Variants in FABP6 observed in about 807,000 individuals in gnomAD.
The protein encoded by FABP6 is gastrotropin.
In FABP6, 13 loss-of-function variants were observed where a neutral mutation model predicts 14.9. The ratio of observed to expected loss-of-function variants is 0.87; its 90% CI spans 0.57 to 1.39. The LOEUF (loss-of-function observed/expected upper bound fraction) is 1.39, where lower values mean the gene tolerates loss of function less well. FABP6 is among the 40% of genes most tolerant of loss of function. The pLI, the probability that FABP6 is intolerant of heterozygous loss-of-function variation, is 0.00. For missense variants in FABP6, 161 were observed against 167.2 expected (o/e 0.96, Z 0.20); for synonymous variants, 75 against 63.6 (o/e 1.18, Z -0.85).
At chr5:160,194,194 G>T (rs1759463350) in intron 1 of FABP6, among the ~76,000 whole-genome samples, 1 of 152,334 alleles carries the variant, frequency 6.6e-6, no homozygotes, top group East Asian at 1.9e-4. Context: ...CTCCCAGTGC[G>T]GGACCCACCA....
chr5:160,229,871 ATTTTAT>A (rs1313282426), intron 1 of FABP6, among the ~76,000 whole-genome samples: 2 of 84,922 alleles, frequency 2.4e-5, no homozygotes, highest in Non-Finnish European at 4.9e-5. Context: ...ATTTTATTTT[ATTTTAT>A]TTTATTTTAT....
chr5:160,222,965 G>A (rs777524329), intron 3 of FABP6, among the ~76,000 whole-genome samples: 2 of 152,040 alleles, frequency 1.3e-5, no homozygotes, highest in Admixed American at 6.6e-5. Flanking sequence ...CATAGATACC[G>A]TATTTTATTT....
upstream of FABP6, among the ~76,000 whole-genome samples, chr5:160,227,848 G>GTC (rs1416689517): frequency 6.7e-6 from 1 of 148,890 alleles, no homozygotes; most frequent in African/African-American, 2.5e-5. Flanking sequence ...GTGTGTGTGT[G>GTC]TGTCTGTCTG....
chr5:160,199,013 C>A, intron 1 of FABP6: 2 of 1,270,154 alleles, frequency 1.6e-6, no homozygotes, highest in Non-Finnish European at 2.3e-6. Flanking sequence ...GTCTCCAGAG[C>A]CCCTCCCAGC....
At chr5:160,225,627 C>T (rs1226669916), upstream of FABP6, among the ~76,000 whole-genome samples, 1 of 151,402 alleles carries the variant, frequency 6.6e-6, no homozygotes, top group Admixed American at 6.6e-5. Context: ...GTCTCGATCT[C>T]CTGATTTTGT....
At chr5:160,224,057 A>G (rs1580917872) in intron 3 of FABP6, among the ~76,000 whole-genome samples, 1 of 151,952 alleles carries the variant, frequency 6.6e-6, no homozygotes, top group East Asian at 2.0e-4. Context: ...TAACACGGTG[A>G]AACCCTGTCT....
chr5:160,233,067 T>C (rs1464287261), intron 2 of FABP6, among the ~76,000 whole-genome samples: 3 of 149,418 alleles, frequency 2.0e-5, no homozygotes, highest in Non-Finnish European at 4.5e-5. Context: ...CTGCAACCTC[T>C]GCCTCCTGGG....
chr5:160,221,989 A>G (rs1159687118), intron 3 of FABP6, among the ~76,000 whole-genome samples: 6 of 152,220 alleles, frequency 3.9e-5, no homozygotes, highest in Admixed American at 2.0e-4. Context: ...GTCTTTTTAA[A>G]CAATGAGTAT....
At chr5:160,198,972 T>C (rs1580899094) in intron 1 of FABP6, 2 of 885,488 alleles carry the variant, frequency 2.3e-6, no homozygotes, top group South Asian at 1.4e-5. Flanking sequence ...ATAAAATGGA[T>C]TGAATAGACA....
chr5:160,208,491 C>T (rs535898743), intron 2 of FABP6, among the ~76,000 whole-genome samples: 50 of 152,110 alleles, frequency 3.3e-4, no homozygotes, highest in Non-Finnish European at 5.9e-4. Context: ...AATGTTTGTC[C>T]CCTTCAATCT....
intron 1 of FABP6, among the ~76,000 whole-genome samples, chr5:160,188,357 A>C (rs1463423022): frequency 6.6e-6 from 1 of 152,118 alleles, no homozygotes; most frequent in Non-Finnish European, 1.5e-5. Flanking sequence ...AGAAACGAAA[A>C]AAACATTAGC....
intron 3 of FABP6, 128 bp from the exon 4 acceptor site, chr5:160,238,478 G>C (rs10056214): frequency 0.92 from 692,037 of 749,062 alleles, 321,553 homozygotes; most frequent in East Asian, 1. Flanking sequence ...AACTGAGGCC[G>C]AAAGAAGTGG....
At chr5:160,189,301 G>T (rs1208819844) in intron 1 of FABP6, among the ~76,000 whole-genome samples, 1 of 152,108 alleles carries the variant, frequency 6.6e-6, no homozygotes, top group East Asian at 1.9e-4. Flanking sequence ...GAGTGCAATG[G>T]CAGGATATCG....
At chr5:160,236,160 A>T (rs4921266) in intron 3 of FABP6, among the ~76,000 whole-genome samples, 44,113 of 151,550 alleles carry the variant, frequency 0.29, 6,798 homozygotes, top group East Asian at 0.37. Flanking sequence ...GGATTACAGG[A>T]GCCCACCATC....
chr5:160,213,935 T>C, intron 3 of FABP6: 1 of 834,292 alleles, frequency 1.2e-6, no homozygotes, highest in African/African-American at 1.7e-5. Context: ...TCCTTCTGCA[T>C]TGTTAGAATA....
chr5:160,226,417 C>T (rs989711783), upstream of FABP6, among the ~76,000 whole-genome samples: 11 of 151,062 alleles, frequency 7.3e-5, no homozygotes, highest in Admixed American at 1.3e-4. Context: ...GAAAATTAGC[C>T]GGGCATGATG....
intron 1 of FABP6, among the ~76,000 whole-genome samples, chr5:160,196,120 A>G (rs1347974816): frequency 2.6e-5 from 4 of 152,228 alleles, no homozygotes; most frequent in Non-Finnish European, 5.9e-5. Flanking sequence ...CCTCCTTTAC[A>G]GGGTGTCTAC....
At chr5:160,227,425 G>A (rs1561753963), upstream of FABP6, among the ~76,000 whole-genome samples, 1 of 151,576 alleles carries the variant, frequency 6.6e-6, no homozygotes, top group East Asian at 1.9e-4. Context: ...TACTAGGGAG[G>A]CTGAGGCAGG....
At chr5:160,217,352 A>G (rs1201122952) in intron 3 of FABP6, among the ~76,000 whole-genome samples, 2 of 152,208 alleles carry the variant, frequency 1.3e-5, no homozygotes, top group African/African-American at 2.4e-5. Flanking sequence ...ATTTAAAGCT[A>G]TTGGCTGGAT....
Sources: allele counts gnomAD v4.1 joint callset (sites outside exome capture counted in the v4.1 genomes callset), GRCh38; gene constraint gnomAD v4.1.1; transcripts MANE v1.5; gene names NCBI Gene and HGNC (gene_info 2026-07-23, HGNC 2026-07-21).